RBM22: variants seen among roughly 807,000 people sequenced by gnomAD.
RBM22 encodes the protein RNA binding motif protein 22, also known as pre-mRNA-splicing factor RBM22.
In RBM22, 1 loss-of-function variant was observed where a neutral mutation model predicts 50.1. The ratio of observed to expected loss-of-function variants is 0.02; its 90% CI spans 0.01 to 0.09. The LOEUF is 0.09. RBM22 is among the 10% of genes least tolerant of loss of function. The pLI is 1.00. For synonymous variants in RBM22, 152 were observed against 179.0 expected (o/e 0.85, Z 1.20); for missense variants, 264 against 529.3 (o/e 0.50, Z 4.92).
rs1173769738 is a variant in RBM22, at chr5:150,699,114, T to C, written c.138+128A>G. The C allele has an allele frequency of 7.1e-6, 9 of 1,275,492 alleles. No homozygotes were observed. In the East Asian group the frequency reaches 1.6e-4, roughly 23 times the overall value. 79.0% of individuals were successfully genotyped at this position (1,275,492 alleles called of 1,614,324 possible). A position where few individuals can be genotyped will look rare whatever the true frequency, so the allele number is the denominator to read the frequency against. Reference sequence around the variant, plus strand: ...AGTTGCCAGCCAATGAATATATCAGTAATACATAAAAAGTTGTATAGCACT... The same window carrying C: ...AGTTGCCAGCCAATGAATATATCAGCAATACATAAAAAGTTGTATAGCACT... On this transcript the variant is annotated intron_variant, in intron 3 of 10. Transcript: ENST00000199814.
chr5:150,694,042 GCAAAATGT>G, intron 8 of RBM22, 26 bp downstream of exon 8: 1 of 1,595,582 alleles, frequency 6.3e-7, no homozygotes, highest in Non-Finnish European at 8.5e-7. Flanking sequence ...AAAAATCTAA[GCAAAATGT>G]CACTTAAAAA....
In RBM22 at chr5:150,700,986, C is replaced by T. The variant is rs1759342568; in HGVS notation, c.-1G>A. On this transcript the variant is annotated 5_prime_UTR_variant, in exon 1 of 11. Coordinates refer to ENST00000199814, the MANE Select transcript of RBM22 (RefSeq NM_018047.3). ...TGTTGGAACCCAGAGAGGTCGCCAT[C>T]TTGAGAGCGTCCGGAGGTAGCTGTA... The T allele has an allele frequency of 6.2e-6, 10 of 1,614,210 alleles. No homozygotes were observed. In the East Asian group the frequency reaches 2.2e-4, roughly 36 times the overall value.
At chr5:150,698,380 G>A (rs1057054984) in intron 4 of RBM22, 119 bp downstream of exon 4, 26 of 1,308,420 alleles carry the variant, frequency 2.0e-5, no homozygotes, top group African/African-American at 1.5e-4. Context: ...AGCAGACCAC[G>A]GCAGACATTC....
rs769880295 is a variant in RBM22, at chr5:150,696,733, T to C, written c.373-28A>G. The C allele has an allele frequency of 1.2e-6, 2 of 1,614,028 alleles. No individual in the cohort carries two copies. The highest frequency in any genetic ancestry group is 8.5e-7 in the Non-Finnish European group (1 of 1,179,878). ...AAGTGGGGATGACAAATTCAAAAGA[T>C]AAATTATACAGACTGTGTCAATTCA... On this transcript the variant is annotated intron_variant, in intron 5 of 10. Coordinates refer to ENST00000199814, the MANE Select transcript of RBM22 (RefSeq NM_018047.3). The surrounding 1 kb of genome is among the most constrained non-coding windows in gnomAD (Gnocchi z 4.3).
rs1433026848 is a variant in RBM22 at position 150,691,858 on chromosome 5, G to C, written c.1156C>G (p.Pro386Ala). The C allele has an allele frequency of 1.3e-6, 2 of 1,597,406 alleles. No homozygotes were observed. The highest frequency in any genetic ancestry group is 1.7e-5 in the Admixed American group (1 of 57,670). The change falls in exon 11 of 11, where the codon CCA (proline) becomes GCA (alanine). Residue 386 changes from proline (P) to alanine (A), a missense_variant. By Grantham distance (27) the Pro-to-Ala change is conservative. Coordinates refer to ENST00000199814, the MANE Select transcript of RBM22 (RefSeq NM_018047.3). The part of the protein sequence containing the change: ...PPGFGPHMFH[P>A]MGPPPPFMRA... The stretch of plus-strand genomic sequence containing the variant: ...ATGAAAGGAGGGGGTGGTCCCATTG[G>C]GTGGAACATGTGTGGCCCAAAACCT...
rs770303805 is a variant in RBM22 at position 150,691,869 on chromosome 5, T to G, written c.1145A>C (p.His382Pro). The G allele has an allele frequency of 3.1e-6, 5 of 1,590,858 alleles. No homozygotes were observed. Among genetic ancestry groups the G allele is most frequent in the Non-Finnish European group, 4.3e-6 (5 of 1,169,274 alleles). ...GGGTGGTCCCATTGGGTGGAACATG[T>G]GTGGCCCAAAACCTGCAGATACGAG... ...APPPPPGFGP[H>P]MFHPMGPPPP... Residue 382 changes from histidine to proline, a missense_variant, in exon 11 of 11, where the codon CAC becomes CCC. Physicochemically the swap from His to Pro is moderately conservative, Grantham distance 77. This residue lies in a region of RBM22 where 106 missense variants were observed against 137.1 expected (regional missense o/e 0.77). Coordinates refer to ENST00000199814, the MANE Select transcript of RBM22 (RefSeq NM_018047.3).
intron 2 of RBM22, among the ~76,000 whole-genome samples, chr5:150,700,088 T>C (rs1391986805): frequency 6.6e-6 from 1 of 152,238 alleles, no homozygotes; most frequent in African/African-American, 2.4e-5. Context: ...AGTTTCTAGT[T>C]CTGGTTCTCC....
chr5:150,698,207 T>C (rs953199939), intron 4 of RBM22, among the ~76,000 whole-genome samples: 4 of 152,212 alleles, frequency 2.6e-5, no homozygotes, highest in African/African-American at 9.6e-5. Context: ...GAAAGAAGCC[T>C]AAGGCAAATA....
rs928261165 is a variant in RBM22, at chr5:150,690,854, T to G, written c.*897A>C. ...AACACATCAAATTTCCTTTACCATC[T>G]ACAATTCAGTTATATCCAAACACTC... On this transcript the variant is annotated 3_prime_UTR_variant, in exon 11 of 11. Transcript: ENST00000199814. 1 of 152,370 alleles carries G rather than the reference T, an allele frequency of 6.6e-6. No homozygotes were observed. The highest frequency in any genetic ancestry group is 1.5e-5 in the Non-Finnish European group (1 of 68,048). 9.4% of individuals were successfully genotyped at this position (152,370 alleles called of 1,614,324 possible). A position where few individuals can be genotyped will look rare whatever the true frequency, so the allele number is the denominator to read the frequency against.
At chr5:150,693,338 T>C in intron 8 of RBM22, 31 bp from the exon 9 acceptor site, 2 of 1,552,276 alleles carry the variant, frequency 1.3e-6, no homozygotes, top group Non-Finnish European at 1.8e-6. Context: ...CAGTCGGCAC[T>C]CTGGCCCACC....
chr5:150,697,530 T>G (rs559006277), intron 4 of RBM22, among the ~76,000 whole-genome samples: 2 of 152,342 alleles, frequency 1.3e-5, no homozygotes, highest in South Asian at 2.1e-4. Flanking sequence ...ACATGATTTA[T>G]TTAAAGTAAA....
Position 150,696,647 on chromosome 5 carries a change from C to G in RBM22, c.431G>C (p.Ser144Thr). 1 of 1,614,186 alleles carries G rather than the reference C, an allele frequency of 6.2e-7. No homozygotes were observed. Among genetic ancestry groups the G allele is most frequent in the Non-Finnish European group, 8.5e-7 (1 of 1,180,044 alleles). Residue 144 changes from serine to threonine, a missense_variant, in exon 6 of 11, where the codon AGT becomes ACT. Around this residue, in one of 7 missense-constraint regions of RBM22, gnomAD observed 44 missense variants for 57.9 expected, o/e 0.76. Coordinates refer to ENST00000199814, the MANE Select transcript of RBM22 (RefSeq NM_018047.3). The surrounding 1 kb of genome is among the most constrained non-coding windows in gnomAD (Gnocchi z 4.3). ...CCGGGCCAGTTTGAGCAGCATGTCACTGGTAGATGTGGCTTTCCCCAGCAT... is the reference window on the plus strand; with the variant it reads ...CCGGGCCAGTTTGAGCAGCATGTCAGTGGTAGATGTGGCTTTCCCCAGCAT... ...VGMLGKATST[S>T]DMLLKLARTT...
chr5:150,694,619 A>T (rs1759251118), intron 7 of RBM22: 1 of 164,714 alleles, frequency 6.1e-6, no homozygotes, highest in Admixed American at 6.4e-5. Context: ...GTGGCCCACA[A>T]TGCCTAAAAT....
chr5:150,699,185 T>G lies in RBM22; in HGVS notation c.138+57A>C, dbSNP rs568816088. ...AAAACTTAGTAAGCTGAAGGCTAAT[T>G]TGGTAGAGAAAAGAAAAATGAAACA... On this transcript the variant is annotated intron_variant, in intron 3 of 10. Transcript: ENST00000199814. 1.4e-5 allele frequency: 21 copies of G among 1,554,528 alleles called. No individual in the cohort carries two copies. The African/African-American group carries it at 2.5e-4, about 19-fold the overall frequency.
intron 2 of RBM22, among the ~76,000 whole-genome samples, chr5:150,700,154 ATT>A (rs1446807447): frequency 1.3e-5 from 2 of 152,200 alleles, no homozygotes; most frequent in Non-Finnish European, 2.9e-5. Flanking sequence ...TCCCAGCTCC[ATT>A]CCTTACTATT....
chr5:150,697,116 T>C (rs942787459), intron 4 of RBM22, among the ~76,000 whole-genome samples: 13 of 152,314 alleles, frequency 8.5e-5, no homozygotes, highest in African/African-American at 3.1e-4. Context: ...TTGATGAAAT[T>C]AATGCTTTAG....
At chr5:150,692,691 C>T (rs1031297388) in intron 10 of RBM22, among the ~76,000 whole-genome samples, 1 of 152,116 alleles carries the variant, frequency 6.6e-6, no homozygotes, top group Non-Finnish European at 1.5e-5. Context: ...CACATATACG[C>T]GGATCTTTAG....
chr5:150,691,773 G>T lies in RBM22; in HGVS notation c.1241C>A (p.Ala414Asp). 2 of 1,594,284 alleles carry T rather than the reference G, an allele frequency of 1.3e-6. No individual in the cohort carries two copies. Among genetic ancestry groups the T allele is most frequent in the Non-Finnish European group, 1.7e-6 (2 of 1,170,206 alleles). ...GTGCTAGGGGCTGCTGTGTTTTCCA[G>T]CATGAGCTCCCATCCTCTGAGGGTC... ...SQDPQRMGAH[A>D]GKHSSP Residue 414 changes from alanine to aspartate, a missense_variant, in exon 11 of 11, where the codon GCT becomes GAT. This residue lies in a region of RBM22 where 106 missense variants were observed against 137.1 expected (regional missense o/e 0.77). Coordinates refer to ENST00000199814, the MANE Select transcript of RBM22 (RefSeq NM_018047.3).
chr5:150,691,763 G>A lies in RBM22; in HGVS notation c.1251C>T (p.His417=). The part of the protein sequence containing the change: ...PQRMGAHAGK[H]SSP Reference sequence around the variant, plus strand: ...TGGTGACAAGGTGCTAGGGGCTGCTGTGTTTTCCAGCATGAGCTCCCATCC... The same window carrying A: ...TGGTGACAAGGTGCTAGGGGCTGCTATGTTTTCCAGCATGAGCTCCCATCC... The change falls in exon 11 of 11, where the codon CAC becomes CAT. Residue 417 remains histidine, a synonymous_variant. Coordinates refer to ENST00000199814, the MANE Select transcript of RBM22 (RefSeq NM_018047.3). 1 of 1,593,686 alleles carries A rather than the reference G, an allele frequency of 6.3e-7. No individual in the cohort carries two copies. Among genetic ancestry groups the A allele is most frequent in the Non-Finnish European group, 8.5e-7 (1 of 1,169,854 alleles).
Sources: gnomAD v4.1 joint callset for allele counts (sites outside exome capture counted in the v4.1 genomes callset) on GRCh38, gnomAD v4.1.1 for gene constraint, gnomAD v4.1.1 regional missense constraint, Gnocchi (gnomAD v3.1) non-coding constraint, MANE v1.5 for transcripts, NCBI Gene and HGNC (gene_info 2026-07-23, HGNC 2026-07-21) for gene names.